The following LRMDA variants were observed in gnomAD, a reference collection of about 807,000 sequenced individuals.
LRMDA encodes leucine-rich melanocyte differentiation-associated protein.
Under a neutral mutation model 29.8 loss-of-function variants are expected in LRMDA, and 18 were observed. That is an observed-to-expected ratio of 0.60 (90% CI 0.42 to 0.90). The LOEUF (loss-of-function observed/expected upper bound fraction) is 0.90. Ranked by LOEUF, LRMDA falls within the 40% of genes least tolerant of loss-of-function variation. The pLI is 0.00. For synonymous variants in LRMDA, 125 were observed against 109.4 expected (o/e 1.14, Z -0.89); for missense variants, 273 against 273.9 (o/e 1.00, Z 0.02).
chr10:75,748,333 A>G (rs372067150), intron 2 of LRMDA, among the ~76,000 whole-genome samples: 22 of 152,138 alleles, frequency 1.4e-4, no homozygotes, highest in African/African-American at 5.3e-4. Context: ...ACCTCAGGTG[A>G]TCCTCCCACC....
intron 2 of LRMDA, among the ~76,000 whole-genome samples, chr10:75,819,235 A>C (rs1036273016): frequency 3.3e-4 from 50 of 152,176 alleles, no homozygotes; most frequent in African/African-American, 1.1e-3. Flanking sequence ...CAAGGTGGGA[A>C]AGTGGCATTA....
At chr10:75,460,418 C>A (rs981030919) in intron 2 of LRMDA, among the ~76,000 whole-genome samples, 2 of 151,958 alleles carry the variant, frequency 1.3e-5, no homozygotes, top group Admixed American at 1.3e-4. Context: ...CCCTAGGGTT[C>A]CATGGAACAC....
chr10:76,111,981 C>T (rs1334300517), intron 5 of LRMDA, among the ~76,000 whole-genome samples: 1 of 152,218 alleles, frequency 6.6e-6, no homozygotes, highest in East Asian at 1.9e-4. Context: ...CCCAGTATGG[C>T]TACATTTGAA....
chr10:76,056,716 G>C (rs560241195), intron 4 of LRMDA, among the ~76,000 whole-genome samples: 3 of 152,348 alleles, frequency 2.0e-5, no homozygotes, highest in African/African-American at 7.2e-5. Context: ...TGGGCATTGG[G>C]AGTCGGGAGA....
intron 6 of LRMDA, among the ~76,000 whole-genome samples, chr10:76,428,700 A>C (rs1368714113): frequency 6.6e-6 from 1 of 152,190 alleles, no homozygotes; most frequent in Non-Finnish European, 1.5e-5. Flanking sequence ...AGAATGACTC[A>C]CTAGCTGTGC....
intron 2 of LRMDA, among the ~76,000 whole-genome samples, chr10:75,483,867 G>GTTTTTTTTTT (rs548925147): frequency 8.4e-6 from 1 of 119,142 alleles, no homozygotes; most frequent in Non-Finnish European, 1.7e-5. Context: ...GTATGGAGAG[G>GTTTTTTTTTT]TTTTTTTTTT....
intron 2 of LRMDA, among the ~76,000 whole-genome samples, chr10:75,929,643 G>C (rs563375956): frequency 6.6e-6 from 1 of 152,278 alleles, no homozygotes; most frequent in Admixed American, 6.5e-5. Context: ...AAATTTCTGT[G>C]TGATGAGGAG....
intron 5 of LRMDA, among the ~76,000 whole-genome samples, chr10:76,254,305 C>T (rs74150562): frequency 0.012 from 817 of 66,848 alleles, 20 homozygotes; most frequent in African/African-American, 0.037. Context: ...TATACTATAC[C>T]ATACCATACC....
At chr10:76,282,861 A>G (rs970592555) in intron 5 of LRMDA, among the ~76,000 whole-genome samples, 2 of 152,164 alleles carry the variant, frequency 1.3e-5, no homozygotes, top group Non-Finnish European at 2.9e-5. Flanking sequence ...AGAGCCGTGC[A>G]GACTGGTTCA....
At chr10:76,456,117 C>T (rs752702381) in intron 6 of LRMDA, among the ~76,000 whole-genome samples, 5 of 152,140 alleles carry the variant, frequency 3.3e-5, no homozygotes, top group Non-Finnish European at 4.4e-5. Flanking sequence ...AATAGTCGTT[C>T]GGTCTCCATT....
At chr10:75,872,280 G>C (rs929038358) in intron 2 of LRMDA, among the ~76,000 whole-genome samples, 2 of 151,428 alleles carry the variant, frequency 1.3e-5, no homozygotes, top group Non-Finnish European at 2.9e-5. Flanking sequence ...CTTCTGATTC[G>C]TTCTATTCTC....
intron 5 of LRMDA, among the ~76,000 whole-genome samples, chr10:76,322,443 A>G (rs1840782706): frequency 6.6e-6 from 1 of 152,256 alleles, no homozygotes; most frequent in South Asian, 2.1e-4. Flanking sequence ...TGAGTTTATC[A>G]ATGGACACTG....
intron 2 of LRMDA, among the ~76,000 whole-genome samples, chr10:75,491,686 C>T (rs977530295): frequency 6.6e-6 from 1 of 152,062 alleles, no homozygotes; most frequent in African/African-American, 2.4e-5. Context: ...CTTTCTCTTT[C>T]GCCTAGGGGA....
At chr10:76,068,098 C>A (rs1384110793) in intron 5 of LRMDA, among the ~76,000 whole-genome samples, 1 of 152,198 alleles carries the variant, frequency 6.6e-6, no homozygotes, top group Non-Finnish European at 1.5e-5. Context: ...ATTTGCAATT[C>A]CATGGCTAAG....
At chr10:76,327,092 C>CTTTTT (rs35683783) in intron 6 of LRMDA, among the ~76,000 whole-genome samples, 2 of 134,988 alleles carry the variant, frequency 1.5e-5, no homozygotes. Context: ...TCCAAATCAT[C>CTTTTT]TTTTTTTTTT....
intron 6 of LRMDA, among the ~76,000 whole-genome samples, chr10:76,353,981 A>T (rs79382781): frequency 0.022 from 3,359 of 152,194 alleles, 129 homozygotes; most frequent in African/African-American, 0.076. Context: ...TTTGAGTATC[A>T]AAGTTAAGAC....
chr10:76,030,097 G>A (rs145566808), intron 2 of LRMDA, among the ~76,000 whole-genome samples: 2 of 152,178 alleles, frequency 1.3e-5, no homozygotes, highest in Admixed American at 6.5e-5. Context: ...TTACTATGTC[G>A]CCCAGGCTAG....
chr10:76,139,199 T>C (rs1260704251), intron 5 of LRMDA, among the ~76,000 whole-genome samples: 1 of 152,138 alleles, frequency 6.6e-6, no homozygotes, highest in Non-Finnish European at 1.5e-5. Flanking sequence ...GAAATCTTTT[T>C]TTCAGCCAGC....
chr10:75,970,783 A>C (rs551144902), intron 2 of LRMDA, among the ~76,000 whole-genome samples: 2 of 152,314 alleles, frequency 1.3e-5, no homozygotes, highest in East Asian at 1.9e-4. Flanking sequence ...ATTCCTATCC[A>C]TCCTAATCTC....
Sources: allele counts gnomAD v4.1 joint callset (sites outside exome capture counted in the v4.1 genomes callset), GRCh38; gene constraint gnomAD v4.1.1; transcripts MANE v1.5; gene names NCBI Gene and HGNC (gene_info 2026-07-23, HGNC 2026-07-21).